The following KIAA1549L variants were observed in gnomAD, a reference collection of about 807,000 sequenced individuals.
KIAA1549L encodes UPF0606 protein KIAA1549L.
Under a neutral mutation model 160.7 loss-of-function variants are expected in KIAA1549L, and 88 were observed. The observed-to-expected ratio is 0.55, with a 90% CI of 0.46 to 0.65. The LOEUF (loss-of-function observed/expected upper bound fraction) is 0.65. KIAA1549L is among the 30% of genes least tolerant of loss of function. The pLI is 0.00. For synonymous variants in KIAA1549L, 950 were observed against 976.7 expected, an observed-to-expected ratio of 0.97 and a Z score of 0.51; for missense variants, 2,258 against 2,437.5, an observed-to-expected ratio of 0.93 and a Z score of 1.55.
In KIAA1549L at chr11:33,670,098, A is replaced by T. The variant is rs1852621588; in HGVS notation, c.*1944A>T. ...CATAGGCATTCAATGCACTTGAATG[A>T]ACAAAGAGCCAAAGAAACTCAGCCT... On this transcript the variant is annotated 3_prime_UTR_variant, in exon 21 of 21. Transcript: ENST00000658780. 2.0e-5 allele frequency: 3 copies of T among 152,210 alleles called. No homozygotes were observed. The South Asian group carries it at 6.2e-4, about 32-fold the overall frequency. 9.4% of individuals were successfully genotyped at this position (152,210 alleles called of 1,614,324 possible). A position where few individuals can be genotyped will look rare whatever the true frequency, so the allele number is the denominator to read the frequency against.
chr11:33,450,493 G>T (rs1435666586), intron 1 of KIAA1549L, among the ~76,000 whole-genome samples: 1 of 152,054 alleles, frequency 6.6e-6, no homozygotes, highest in African/African-American at 2.4e-5. Flanking sequence ...CTGGGAATCT[G>T]GGGCTGCAGT....
At chr11:33,477,518 CAA>C (rs756934974) in intron 1 of KIAA1549L, among the ~76,000 whole-genome samples, 2,050 of 148,690 alleles carry the variant, frequency 0.014, 20 homozygotes, top group African/African-American at 0.021. Flanking sequence ...CACACACACA[CAA>C]ACACACACAC....
chr11:33,523,237 CA>C (rs1565168412), intron 1 of KIAA1549L, among the ~76,000 whole-genome samples: 2 of 152,012 alleles, frequency 1.3e-5, no homozygotes, highest in African/African-American at 4.8e-5. Context: ...AGGTATCACA[CA>C]AAAAAGAAAC....
At chr11:33,475,621 G>A (rs1175379969) in intron 1 of KIAA1549L, among the ~76,000 whole-genome samples, 1 of 151,754 alleles carries the variant, frequency 6.6e-6, no homozygotes, top group Non-Finnish European at 1.5e-5. Context: ...AGGAGGCAGA[G>A]GCAGGAGGAT....
At position 33,668,223 on chromosome 11, in the gene KIAA1549L, C is replaced by T. The variant is rs779359999; in HGVS notation, c.*69C>T. On this transcript the variant is annotated 3_prime_UTR_variant, in exon 21 of 21. Coordinates refer to ENST00000658780, the MANE Select transcript of KIAA1549L (RefSeq NM_012194.3). ...TCAGCCTTTGGGTTTCCCATGCCTA[C>T]GTGTTAGGACTTGAGACATAGCAAT... is the stretch of plus-strand genomic sequence containing the variant. The T allele has an allele frequency of 4.0e-5, 57 of 1,437,186 alleles. No individual in the cohort carries two copies. Among genetic ancestry groups the T allele is most frequent in the African/African-American group, 3.1e-4 (22 of 71,112 alleles). 89.0% of individuals were successfully genotyped at this position (1,437,186 alleles called of 1,614,324 possible). A position where few individuals can be genotyped will look rare whatever the true frequency, so the allele number is the denominator to read the frequency against.
At chr11:33,432,089 G>C (rs1345908820) in intron 1 of KIAA1549L, among the ~76,000 whole-genome samples, 1 of 152,220 alleles carries the variant, frequency 6.6e-6, no homozygotes, top group Non-Finnish European at 1.5e-5. Context: ...TGGCCCACAA[G>C]CTCTGCACGC....
intron 10 of KIAA1549L, among the ~76,000 whole-genome samples, chr11:33,578,374 C>T (rs1003457716): frequency 2.0e-5 from 3 of 152,172 alleles, no homozygotes; most frequent in African/African-American, 7.2e-5. Context: ...ACTCCTTTGT[C>T]TCCTTCAAAT....
rs138520653 is a variant in KIAA1549L at position 33,591,458 on chromosome 11, C to T, written c.4751+37C>T. The T allele has an allele frequency of 1.4e-4, 214 of 1,511,972 alleles. No homozygotes were observed. The African/African-American group carries it at 2.7e-3, about 19-fold the overall frequency. The allele number at this position is 1,511,972 out of a possible 1,614,324, so 93.7% of individuals were successfully genotyped here. On this transcript the variant is annotated intron_variant, in intron 12 of 20. Transcript: ENST00000658780. ...GCTGACTTCTGCCTCTCTGTGTCAG[C>T]AAGAGAATAATTGATGATGAGAAAA...
intron 12 of KIAA1549L, among the ~76,000 whole-genome samples, chr11:33,591,881 AG>A (rs1309863309): frequency 6.6e-6 from 1 of 152,248 alleles, no homozygotes; most frequent in African/African-American, 2.4e-5. Context: ...TTGTGACCCC[AG>A]GAGTCTCATG....
chr11:33,530,436 A>AATATATATATAT (rs869093534), intron 1 of KIAA1549L, among the ~76,000 whole-genome samples: 17 of 11,828 alleles, frequency 1.4e-3, no homozygotes, highest in Non-Finnish European at 2.1e-3. Context: ...AAAAAAAAAA[A>AATATATATATAT]ATATATATAT....
At chr11:33,621,532 T>C (rs1268661759) in intron 16 of KIAA1549L, among the ~76,000 whole-genome samples, 2 of 152,196 alleles carry the variant, frequency 1.3e-5, no homozygotes, top group Non-Finnish European at 2.9e-5. Flanking sequence ...TTCATCCCTA[T>C]GTATAAAGCA....
In KIAA1549L at chr11:33,543,783, A is replaced by G; in HGVS notation, c.2220A>G (p.Pro740=). The G allele has an allele frequency of 6.2e-7, 1 of 1,614,078 alleles. No homozygotes were observed. The highest frequency in any genetic ancestry group is 8.5e-7 in the Non-Finnish European group (1 of 1,179,906). Residue 740 remains proline, a synonymous_variant, in exon 2 of 21, where the codon CCA becomes CCG. Transcript: ENST00000658780. The part of the protein sequence containing the change: ...STTSWETHLA[P]TAPPNGLTSA... ...CAAGTTGGGAAACTCATTTAGCTCCAACAGCTCCTCCCAATGGTTTAACTT... is the reference window on the plus strand; with the variant it reads ...CAAGTTGGGAAACTCATTTAGCTCCGACAGCTCCTCCCAATGGTTTAACTT...
At chr11:33,390,162 G>T (rs1343182813) in intron 1 of KIAA1549L, among the ~76,000 whole-genome samples, 3 of 152,210 alleles carry the variant, frequency 2.0e-5, no homozygotes, top group African/African-American at 7.2e-5. Context: ...TAACTTAACA[G>T]TAACTGGTTC....
chr11:33,544,270 AC>A lies in KIAA1549L; in HGVS notation c.2709del (p.Ser904ValfsTer41). On this transcript the variant is annotated frameshift_variant, in exon 2 of 21. Coordinates refer to ENST00000658780, the MANE Select transcript of KIAA1549L (RefSeq NM_012194.3). LOFTEE classifies it high-confidence loss of function. Reference sequence around the variant, plus strand: ...CTCTGCTGCTGAATCTTCTATATCGACCAGTGTCTTTCCCAGGACCTCCTCC... The same window carrying A: ...CTCTGCTGCTGAATCTTCTATATCGACAGTGTCTTTCCCAGGACCTCCTCC... ...YHSAAESSIS[T>X]SVFPRTSSRV... The A allele has an allele frequency of 6.2e-7, 1 of 1,613,936 alleles. No homozygotes were observed. The highest frequency in any genetic ancestry group is 1.1e-5 in the South Asian group (1 of 91,072).
chr11:33,422,939 G>C (rs1398376923), intron 1 of KIAA1549L, among the ~76,000 whole-genome samples: 1 of 152,124 alleles, frequency 6.6e-6, no homozygotes, highest in African/African-American at 2.4e-5. Context: ...GGCTGAGCCT[G>C]TCTTAAATCC....
chr11:33,641,472 A>G lies in KIAA1549L; in HGVS notation c.5410-4214A>G, dbSNP rs893185321. Among the ~76,000 whole-genome samples the G allele has an allele frequency of 1.2e-4, 18 of 151,132 alleles. 1 individual carries two copies. The highest frequency in any genetic ancestry group is 1.5e-5 in the Non-Finnish European group (1 of 67,666). On this transcript the variant is annotated intron_variant, in intron 16 of 20. Transcript: ENST00000658780. Reference sequence around the variant, plus strand: ...ATGCTTTTCATCCTTATAGTAATCTATAAGGTAGATTATCTCAATAAGTAT... The same window carrying G: ...ATGCTTTTCATCCTTATAGTAATCTGTAAGGTAGATTATCTCAATAAGTAT...
intron 1 of KIAA1549L, among the ~76,000 whole-genome samples, chr11:33,435,045 T>C (rs11032272): frequency 0.21 from 31,542 of 152,206 alleles, 3,815 homozygotes; most frequent in Middle Eastern, 0.31. Context: ...AAATGTAGCT[T>C]GATCATTTTA....
chr11:33,609,957 C>A lies in KIAA1549L; in HGVS notation c.5270C>A (p.Ser1757Tyr). 1 of 1,613,184 alleles carries A rather than the reference C, an allele frequency of 6.2e-7. No individual in the cohort carries two copies. Among genetic ancestry groups the A allele is most frequent in the South Asian group, 1.1e-5 (1 of 90,960 alleles). ...DSELCAPFTE[S>Y]KNRQQMKNSV... ...GAACTCTGTGCTCCATTCACCGAGT[C>A]TAAAAACAGGTGCAGTCTCTAAGGG... The change falls in exon 15 of 21, where the codon TCT becomes TAT. Residue 1757 changes from serine (S) to tyrosine (Y), a missense_variant. Ser to Tyr is a moderately radical substitution (Grantham distance 144). Coordinates refer to ENST00000658780, the MANE Select transcript of KIAA1549L (RefSeq NM_012194.3).
chr11:33,396,649 T>TC (rs1289624464), intron 1 of KIAA1549L, among the ~76,000 whole-genome samples: 1 of 151,240 alleles, frequency 6.6e-6, no homozygotes, highest in African/African-American at 2.4e-5. Context: ...TAACTTTCTT[T>TC]TTTTTTCTCT....
Sources: gnomAD v4.1 joint callset for allele counts (sites outside exome capture counted in the v4.1 genomes callset) on GRCh38, gnomAD v4.1.1 for gene constraint, MANE v1.5 for transcripts, NCBI Gene and HGNC (gene_info 2026-07-23, HGNC 2026-07-21) for gene names.